Variants in GRIP1 observed in about 807,000 individuals in gnomAD.
The protein encoded by GRIP1 is glutamate receptor-interacting protein 1.
In GRIP1, 45 loss-of-function variants were observed where a neutral mutation model predicts 129.9. The observed-to-expected ratio is 0.35, with a 90% CI of 0.27 to 0.44. The LOEUF is 0.44. Among genes scored for constraint, GRIP1 ranks in the 20% least tolerant of loss-of-function variants. The pLI is 1.00. For synonymous variants in GRIP1, 530 were observed against 520.8 expected (o/e 1.02, Z -0.24); for missense variants, 1,196 against 1,396.8 (o/e 0.86, Z 2.29).
chr12:66,756,453 C>T (rs2037290004), intron 1 of GRIP1, among the ~76,000 whole-genome samples: 1 of 152,162 alleles, frequency 6.6e-6, no homozygotes, highest in Admixed American at 6.5e-5. Flanking sequence ...GCGCAGTGAA[C>T]CTGTCTCCTG....
At chr12:66,512,400 T>C (rs1461343088) in intron 7 of GRIP1, among the ~76,000 whole-genome samples, 1 of 152,078 alleles carries the variant, frequency 6.6e-6, no homozygotes, top group East Asian at 1.9e-4. Context: ...GATAGTGACA[T>C]GTACATATAC....
chr12:66,707,842 T>C (rs1050204026), intron 1 of GRIP1, among the ~76,000 whole-genome samples: 7 of 151,930 alleles, frequency 4.6e-5, no homozygotes, highest in Admixed American at 4.6e-4. Context: ...TTTTCCTGAA[T>C]AATAAAAAAG....
Position 66,820,450 on chromosome 12 carries a change from C to G in GRIP1, c.59-223523G>C, listed in dbSNP as rs200369687. ...ACTTGGGAAGACAATTTGGCAGTTT[C>G]TTAGACAACTAAATATTCTCTCTTA... On this transcript the variant is annotated intron_variant, in intron 1 of 1. Transcript: ENST00000643019. 4.6e-5 allele frequency among the ~76,000 whole-genome samples: 7 copies of G among 152,250 alleles called. No homozygotes were observed. In the East Asian group the frequency reaches 1.4e-3, roughly 29 times the overall value.
intron 2 of GRIP1, among the ~76,000 whole-genome samples, chr12:66,580,091 G>T (rs1195140925): frequency 6.7e-6 from 1 of 148,968 alleles, no homozygotes; most frequent in Non-Finnish European, 1.5e-5. Context: ...GAAGACAGTG[G>T]GGGCCAATAT....
intron 7 of GRIP1, among the ~76,000 whole-genome samples, chr12:66,478,063 A>G (rs2059677805): frequency 1.3e-5 from 2 of 152,232 alleles, no homozygotes; most frequent in African/African-American, 2.4e-5. Flanking sequence ...CTGTGCAGCA[A>G]AAGAAACTAC....
intron 23 of GRIP1, among the ~76,000 whole-genome samples, chr12:66,360,807 G>C (rs897500891): frequency 6.6e-6 from 1 of 152,148 alleles, no homozygotes; most frequent in Non-Finnish European, 1.5e-5. Flanking sequence ...CTCCCCACTT[G>C]GATTTTAAGG....
At chr12:66,738,809 C>G (rs1403941931) in intron 1 of GRIP1, among the ~76,000 whole-genome samples, 1 of 152,174 alleles carries the variant, frequency 6.6e-6, no homozygotes, top group Non-Finnish European at 1.5e-5. Flanking sequence ...CATAAATGCC[C>G]TTGATATCCT....
chr12:67,056,530 T>G (rs115003248), intron 1 of GRIP1, among the ~76,000 whole-genome samples: 1,625 of 152,244 alleles, frequency 0.011, 18 homozygotes, highest in Middle Eastern at 0.044. Context: ...GAAGCTGCTT[T>G]GACTTTTGCA....
chr12:67,030,537 T>C (rs1220636114), intron 1 of GRIP1, among the ~76,000 whole-genome samples: 2 of 152,144 alleles, frequency 1.3e-5, no homozygotes, highest in African/African-American at 4.8e-5. Context: ...TTTTAAAGTA[T>C]TGTTTTCTCT....
chr12:66,785,331 C>CATAT (rs1180271589), intron 1 of GRIP1, among the ~76,000 whole-genome samples: 3 of 35,050 alleles, frequency 8.6e-5, no homozygotes, highest in African/African-American at 2.4e-4. Context: ...TACATACATA[C>CATAT]ATACATACAT....
chr12:66,450,456 T>C (rs183187982), intron 11 of GRIP1, among the ~76,000 whole-genome samples: 3 of 151,628 alleles, frequency 2.0e-5, no homozygotes, highest in East Asian at 1.9e-4. Context: ...AGTTGAATAA[T>C]TTTATTCTCT....
intron 1 of GRIP1, among the ~76,000 whole-genome samples, chr12:66,657,804 T>G (rs56159309): frequency 6.6e-6 from 1 of 152,118 alleles, no homozygotes; most frequent in Non-Finnish European, 1.5e-5. Context: ...CCTAGATGGA[T>G]AAGAGAAAAA....
rs1161609320 is a variant in GRIP1 at position 66,348,154 on chromosome 12, C to G, written c.*865G>C. 6.6e-6 allele frequency: 1 copy of G among 152,126 alleles called. No homozygotes were observed. The highest frequency in any genetic ancestry group is 2.4e-5 in the African/African-American group (1 of 41,428). 9.4% of individuals were successfully genotyped at this position (152,126 alleles called of 1,614,324 possible). A position where few individuals can be genotyped will look rare whatever the true frequency, so the allele number is the denominator to read the frequency against. On this transcript the variant is annotated 3_prime_UTR_variant, in exon 25 of 25. Transcript: ENST00000359742. ...GTACACCCTCAATATTACCAGTTTTCAAAACATGTCAAGCAGTATGAGTTT... is the reference window on the plus strand; with the variant it reads ...GTACACCCTCAATATTACCAGTTTTGAAAACATGTCAAGCAGTATGAGTTT...
chr12:66,576,153 A>T (rs2063131952), intron 2 of GRIP1, among the ~76,000 whole-genome samples: 1 of 152,210 alleles, frequency 6.6e-6, no homozygotes, highest in African/African-American at 2.4e-5. Flanking sequence ...AGAATAAGGA[A>T]GGTAAACCAC....
chr12:66,390,433 C>A (rs1304670865), intron 19 of GRIP1, among the ~76,000 whole-genome samples: 1 of 152,198 alleles, frequency 6.6e-6, no homozygotes, highest in Non-Finnish European at 1.5e-5. Context: ...CCTTCAACCT[C>A]ATAAAAATGT....
chr12:66,858,611 G>A (rs1205433175), intron 1 of GRIP1, among the ~76,000 whole-genome samples: 1 of 151,918 alleles, frequency 6.6e-6, no homozygotes, highest in Non-Finnish European at 1.5e-5. Flanking sequence ...AAGTGGTCAA[G>A]AGTCCACTTT....
intron 13 of GRIP1, among the ~76,000 whole-genome samples, chr12:66,433,645 G>C (rs2058215334): frequency 6.6e-6 from 1 of 152,150 alleles, no homozygotes; most frequent in South Asian, 2.1e-4. Context: ...TTCCTTAACA[G>C]TCAGAAAGAC....
chr12:66,445,683 T>C (rs575412398), intron 11 of GRIP1, among the ~76,000 whole-genome samples, 175 bp from the exon 12 acceptor site: 1 of 152,316 alleles, frequency 6.6e-6, no homozygotes, highest in South Asian at 2.1e-4. Context: ...TCAATATTCA[T>C]CACAATTCTA....
At chr12:66,531,309 A>ACC in intron 4 of GRIP1, among the ~76,000 whole-genome samples, 1 of 79,626 alleles carries the variant, frequency 1.3e-5, no homozygotes, top group Non-Finnish European at 2.3e-5. Flanking sequence ...ATATACACAC[A>ACC]CACACACATA....
Sources: allele counts gnomAD v4.1 joint callset (sites outside exome capture counted in the v4.1 genomes callset), GRCh38; gene constraint gnomAD v4.1.1; transcripts MANE v1.5; gene names NCBI Gene and HGNC (gene_info 2026-07-23, HGNC 2026-07-21).